The following NF1 variants were observed in gnomAD, a reference collection of about 807,000 sequenced individuals.
NF1 encodes neurofibromin.
In NF1, 122 loss-of-function variants were observed where a neutral mutation model predicts 325.7. The observed-to-expected ratio is 0.37, with a 90% CI of 0.32 to 0.44. The LOEUF (loss-of-function observed/expected upper bound fraction) is 0.44. NF1 is among the 20% of genes least tolerant of loss of function. NF1 has a pLI of 1.00. For synonymous variants in NF1, 1,091 were observed against 1,186.0 expected (o/e 0.92, Z 1.65); for missense variants, 2,140 against 3,415.4 (o/e 0.63, Z 9.31).
At chr17:31,105,100 A>G (rs949763716) in intron 1 of NF1, among the ~76,000 whole-genome samples, 1 of 152,036 alleles carries the variant, frequency 6.6e-6, no homozygotes, top group Non-Finnish European at 1.5e-5. Flanking sequence ...GTGTCTTGTT[A>G]TGTTGCCCAG....
At chr17:31,300,810 T>G (rs1597795736) in intron 36 of NF1, among the ~76,000 whole-genome samples, 1 of 152,124 alleles carries the variant, frequency 6.6e-6, no homozygotes, top group East Asian at 1.9e-4. Flanking sequence ...CACTGTATAC[T>G]TTGTTGTTGA....
At chr17:31,187,271 T>C (rs1460099189) in intron 8 of NF1, among the ~76,000 whole-genome samples, 1 of 152,188 alleles carries the variant, frequency 6.6e-6, no homozygotes, top group Non-Finnish European at 1.5e-5. Context: ...CGATCTCGGC[T>C]CACTGCAACC....
intron 27 of NF1, 33 bp downstream of exon 27, chr17:31,233,246 G>T (rs1351863748): frequency 3.2e-6 from 5 of 1,552,422 alleles, no homozygotes; most frequent in Non-Finnish European, 8.9e-7. Context: ...GAAGAAAAGT[G>T]CCTGGCACAT....
chr17:31,258,399 T>TC lies in NF1; in HGVS notation c.4231dup (p.Leu1411ProfsTer13). The TC allele has an allele frequency of 6.2e-7, 1 of 1,614,030 alleles. No homozygotes were observed. Among genetic ancestry groups the TC allele is most frequent in the Non-Finnish European group, 8.5e-7 (1 of 1,179,936 alleles). ...ATCGGTGCAGTAGGAAGTGCCATGT[T>TC]CCTCAGATTTATCAATCCTGCCATT... On this transcript the variant is annotated frameshift_variant, in exon 32 of 58. Coordinates refer to ENST00000358273, the MANE Select transcript of NF1 (RefSeq NM_001042492.3). LOFTEE classifies it high-confidence loss of function.
intron 8 of NF1, among the ~76,000 whole-genome samples, chr17:31,187,516 C>A (rs1396046987): frequency 6.6e-6 from 1 of 152,104 alleles, no homozygotes; most frequent in African/African-American, 2.4e-5. Context: ...AACCATGTTC[C>A]CAACCATCCT....
At chr17:31,199,391 A>G (rs1340786846) in intron 8 of NF1, among the ~76,000 whole-genome samples, 1 of 151,972 alleles carries the variant, frequency 6.6e-6, no homozygotes, top group Non-Finnish European at 1.5e-5. Flanking sequence ...TAGTTTTTTT[A>G]TCTGCTGTTG....
rs556230487 is a variant in NF1 at position 31,375,363 on chromosome 17, C to T, written c.*1208C>T. ...ATTGCATTTAATCACTGTGAAAAGACTGGTCAGCCTGCATTAGTATGACAG... is the reference window on the plus strand; with the variant it reads ...ATTGCATTTAATCACTGTGAAAAGATTGGTCAGCCTGCATTAGTATGACAG... On this transcript the variant is annotated 3_prime_UTR_variant, in exon 58 of 58. Coordinates refer to ENST00000358273, the MANE Select transcript of NF1 (RefSeq NM_001042492.3). The T allele has an allele frequency of 2.0e-4, 45 of 230,620 alleles. No individual in the cohort carries two copies. The highest frequency in any genetic ancestry group is 3.6e-4 in the South Asian group (2 of 5,508). 14.3% of individuals were successfully genotyped at this position (230,620 alleles called of 1,614,324 possible). A position where few individuals can be genotyped will look rare whatever the true frequency, so the allele number is the denominator to read the frequency against.
chr17:31,349,086 C>T, intron 48 of NF1, 34 bp from the exon 49 acceptor site: 5 of 1,550,924 alleles, frequency 3.2e-6, no homozygotes, highest in African/African-American at 1.4e-5. Flanking sequence ...TTAATTCTTA[C>T]TTGTTTGTTT....
At chr17:31,223,641 T>G in intron 16 of NF1, 74 bp downstream of exon 16, 1 of 1,448,770 alleles carries the variant, frequency 6.9e-7, no homozygotes, top group East Asian at 2.3e-5. Context: ...TAAAGTGTTT[T>G]ATAGCCAAAT....
chr17:31,160,890 T>C (rs2065750729), intron 3 of NF1, among the ~76,000 whole-genome samples: 2 of 152,236 alleles, frequency 1.3e-5, no homozygotes, highest in Admixed American at 1.3e-4. Context: ...ATGTAATGCA[T>C]AAAATGTATA....
chr17:31,230,427 T>C (rs2067094078), intron 23 of NF1, 45 bp downstream of exon 23: 1 of 1,609,902 alleles, frequency 6.2e-7, no homozygotes, highest in Non-Finnish European at 8.5e-7. Context: ...AATCTTAATA[T>C]GTCCAATGAA....
At chr17:31,213,824 G>A (rs187873940) in intron 12 of NF1, among the ~76,000 whole-genome samples, 24 of 152,216 alleles carry the variant, frequency 1.6e-4, no homozygotes, top group Admixed American at 1.6e-3. Context: ...GAGTGCCGTC[G>A]AAGGAAAAAG....
chr17:31,098,676 G>T (rs1044618593), intron 1 of NF1, among the ~76,000 whole-genome samples: 1 of 152,192 alleles, frequency 6.6e-6, no homozygotes, highest in African/African-American at 2.4e-5. Context: ...GCTCACGCCT[G>T]TGATCCCAGC....
chr17:31,095,427 G>A (rs933427315), intron 1 of NF1, 58 bp downstream of exon 1: 1 of 1,480,120 alleles, frequency 6.8e-7, no homozygotes, highest in Non-Finnish European at 9.0e-7. Context: ...GACAGAGTAG[G>A]TGAGGGGAGG....
chr17:31,218,039 A>G (rs2066853444), intron 13 of NF1, among the ~76,000 whole-genome samples: 1 of 151,892 alleles, frequency 6.6e-6, no homozygotes, highest in South Asian at 2.1e-4. Flanking sequence ...GGACCGAAGT[A>G]TGGGTATCTG....
chr17:31,225,561 A>G (rs1398823954), intron 17 of NF1, among the ~76,000 whole-genome samples: 2 of 151,988 alleles, frequency 1.3e-5, no homozygotes, highest in Non-Finnish European at 2.9e-5. Context: ...ATAAACCTCC[A>G]CTCCATAAAA....
At chr17:31,288,462 T>C (rs1225028588) in intron 36 of NF1, among the ~76,000 whole-genome samples, 5 of 152,086 alleles carry the variant, frequency 3.3e-5, no homozygotes, top group Non-Finnish European at 5.9e-5. Flanking sequence ...AGAATTAACC[T>C]TTCTCTAGAA....
intron 57 of NF1, chr17:31,362,398 A>C: frequency 1.0e-6 from 1 of 963,326 alleles, no homozygotes; most frequent in Non-Finnish European, 1.2e-6. Flanking sequence ...TATTGTGTAC[A>C]TTGGGGAGAC....
intron 36 of NF1, chr17:31,304,403 A>G (rs778369796): frequency 3.7e-6 from 6 of 1,614,120 alleles, no homozygotes; most frequent in Non-Finnish European, 4.2e-6. Context: ...GGCAGGGGCA[A>G]GTTAAGTGAG....
Sources: gnomAD v4.1 joint callset for allele counts (sites outside exome capture counted in the v4.1 genomes callset) on GRCh38, gnomAD v4.1.1 for gene constraint, MANE v1.5 for transcripts, NCBI Gene and HGNC (gene_info 2026-07-23, HGNC 2026-07-21) for gene names.